SDK1: variants seen among roughly 807,000 people sequenced by gnomAD.
SDK1 encodes the protein protein sidekick-1.
In SDK1, 157 loss-of-function variants were observed where a neutral mutation model predicts 245.5. The observed-to-expected ratio is 0.64, with a 90% confidence interval of 0.56 to 0.73. The LOEUF is 0.73. Among genes scored for constraint, SDK1 ranks in the 30% least tolerant of loss-of-function variants. The pLI is 0.00. For missense variants in SDK1, 3,583 were observed against 3,002.3 expected, an observed-to-expected ratio of 1.19 and a Z score of -4.52; for synonymous variants, 1,647 against 1,278.5, an observed-to-expected ratio of 1.29 and a Z score of -6.15.
chr7:3,415,087 G>C (rs568320738), intron 1 of SDK1, among the ~76,000 whole-genome samples: 1 of 152,240 alleles, frequency 6.6e-6, no homozygotes, highest in Non-Finnish European at 1.5e-5. Context: ...TATACACATA[G>C]GAGTGTAATT....
chr7:3,690,843 G>A (rs147943181), intron 4 of SDK1, among the ~76,000 whole-genome samples: 28 of 152,226 alleles, frequency 1.8e-4, no homozygotes, highest in Non-Finnish European at 2.2e-4. Flanking sequence ...AATACTTTGC[G>A]TGTATATAAG....
intron 17 of SDK1, among the ~76,000 whole-genome samples, chr7:4,030,160 G>A (rs546622482): frequency 6.6e-6 from 1 of 152,312 alleles, no homozygotes; most frequent in East Asian, 1.9e-4. Flanking sequence ...AGGCCCCTCT[G>A]AGGAGCAGAG....
At chr7:4,033,653 C>G (rs76693802) in intron 17 of SDK1, among the ~76,000 whole-genome samples, 5,928 of 152,090 alleles carry the variant, frequency 0.039, 201 homozygotes, top group African/African-American at 0.085. Context: ...TGGGCAAGCT[C>G]TATGAAACAA....
intron 1 of SDK1, among the ~76,000 whole-genome samples, chr7:3,440,240 A>T (rs987717243): frequency 5.9e-5 from 9 of 152,176 alleles, no homozygotes; most frequent in African/African-American, 2.2e-4. Context: ...GCTTTTATAG[A>T]GCATCTTTCT....
At chr7:4,148,426 C>T (rs1378774998) in intron 29 of SDK1, among the ~76,000 whole-genome samples, 1 of 152,230 alleles carries the variant, frequency 6.6e-6, no homozygotes, top group Non-Finnish European at 1.5e-5. Flanking sequence ...GGCCTGGCCC[C>T]AGGCACCCCG....
At chr7:3,952,826 G>A (rs945906021) in intron 7 of SDK1, among the ~76,000 whole-genome samples, 7 of 152,140 alleles carry the variant, frequency 4.6e-5, no homozygotes, top group Non-Finnish European at 8.8e-5. Context: ...AGTGTTTAGG[G>A]AGTGTGCATT....
In SDK1 at chr7:4,237,803, C is replaced by T. The variant is rs1786271643; in HGVS notation, c.6130+19C>T. On this transcript the variant is annotated intron_variant, in intron 42 of 44. Coordinates refer to ENST00000404826, the MANE Select transcript of SDK1 (RefSeq NM_152744.4). ...AGCACAGGTGCAGGTCCAGCCCCTT[C>T]CTCGCGTGTCCCACGATGCCACTCA... The T allele has an allele frequency of 1.2e-6, 2 of 1,613,444 alleles. No individual in the cohort carries two copies. The highest frequency in any genetic ancestry group is 2.2e-5 in the East Asian group (1 of 44,854).
rs969755779 is a variant in SDK1, at chr7:3,356,495, G to C, written c.298+54611G>C. On this transcript the variant is annotated intron_variant, in intron 1 of 44. Coordinates refer to ENST00000404826, the MANE Select transcript of SDK1 (RefSeq NM_152744.4). ...TTGGGAGGCTGCAGTATATTTGGAT[G>C]ATCTAAGACCTCCTCCTTTATTTTT... Among the ~76,000 whole-genome samples the C allele has an allele frequency of 3.3e-5, 5 of 152,174 alleles. No homozygotes were observed. In the South Asian group the frequency reaches 1.0e-3, roughly 32 times the overall value.
At chr7:3,881,662 C>G (rs117145213) in intron 5 of SDK1, among the ~76,000 whole-genome samples, 2,670 of 152,290 alleles carry the variant, frequency 0.018, 33 homozygotes, top group Non-Finnish European at 0.029. Context: ...ATTTCTGCTT[C>G]TAGATCTTTC....
intron 1 of SDK1, among the ~76,000 whole-genome samples, chr7:3,418,718 C>G (rs1779451862): frequency 6.6e-6 from 1 of 152,160 alleles, no homozygotes; most frequent in Non-Finnish European, 1.5e-5. Flanking sequence ...ATCGGCGATA[C>G]TGTTACATAG....
intron 17 of SDK1, among the ~76,000 whole-genome samples, chr7:4,047,500 G>A (rs1422721822): frequency 6.6e-6 from 1 of 152,180 alleles, no homozygotes; most frequent in East Asian, 1.9e-4. Context: ...TAATGCTTTA[G>A]AATTGGTTTA....
At chr7:4,210,830 A>G (rs1784473248) in intron 38 of SDK1, among the ~76,000 whole-genome samples, 1 of 152,248 alleles carries the variant, frequency 6.6e-6, no homozygotes. Context: ...TAATTAAATC[A>G]GCAAACAACA....
intron 1 of SDK1, among the ~76,000 whole-genome samples, chr7:3,426,607 G>C (rs1040910561): frequency 6.6e-6 from 1 of 152,192 alleles, no homozygotes; most frequent in Non-Finnish European, 1.5e-5. Flanking sequence ...AGCCTAGCCA[G>C]TCACCTGTGG....
Position 3,723,935 on chromosome 7 carries a change from TATATATATAGAGAGAGAG to T in SDK1, c.713+81832_713+81849del, listed in dbSNP as rs1562397741. ...ATATATATATACACGTATATATATA[TATATATATAGAGAGAGAG>T]AGAGAGAGAGAGAGAGAGAGAGAGA... On this transcript the variant is annotated intron_variant, in intron 4 of 44. Coordinates refer to ENST00000404826, the MANE Select transcript of SDK1 (RefSeq NM_152744.4). Among the ~76,000 whole-genome samples the T allele has an allele frequency of 4.6e-4, 55 of 120,324 alleles. 3 individuals carry two copies. Among genetic ancestry groups the T allele is most frequent in the African/African-American group, 1.6e-3 (53 of 32,312 alleles). 78.9% of individuals were successfully genotyped at this position (120,324 alleles called of 152,430 possible).
chr7:4,192,041 T>TG (rs1783241494), intron 35 of SDK1, among the ~76,000 whole-genome samples: 1 of 152,212 alleles, frequency 6.6e-6, no homozygotes, highest in African/African-American at 2.4e-5. Flanking sequence ...TTCCCCTCTT[T>TG]GCCTGTTTCT....
chr7:3,812,711 T>A (rs1380043543), intron 4 of SDK1, among the ~76,000 whole-genome samples: 1 of 152,238 alleles, frequency 6.6e-6, no homozygotes, highest in Non-Finnish European at 1.5e-5. Flanking sequence ...GTCTTTCTCC[T>A]ACTGCAGAAG....
intron 22 of SDK1, among the ~76,000 whole-genome samples, chr7:4,109,153 C>T (rs1783155292): frequency 6.6e-6 from 1 of 152,246 alleles, no homozygotes; most frequent in East Asian, 1.9e-4. Context: ...TGTTAAGACA[C>T]CTGTTGTCTG....
At chr7:3,589,015 T>A (rs1207391233) in intron 1 of SDK1, among the ~76,000 whole-genome samples, 1 of 152,238 alleles carries the variant, frequency 6.6e-6, no homozygotes, top group Non-Finnish European at 1.5e-5. Flanking sequence ...GGACAGGAGA[T>A]AATTTGTATT....
chr7:3,727,509 G>A (rs1350788351), intron 4 of SDK1, among the ~76,000 whole-genome samples: 1 of 150,882 alleles, frequency 6.6e-6, no homozygotes, highest in Admixed American at 6.6e-5. Flanking sequence ...CTTTTTTTTT[G>A]AGACGGAGCC....
Sources: gnomAD v4.1 joint callset for allele counts (sites outside exome capture counted in the v4.1 genomes callset) on GRCh38, gnomAD v4.1.1 for gene constraint, MANE v1.5 for transcripts, NCBI Gene and HGNC (gene_info 2026-07-23, HGNC 2026-07-21) for gene names.